The following NUMB variants were observed in gnomAD, a reference collection of about 807,000 sequenced individuals.
NUMB encodes the protein protein numb homolog.
NUMB carries 29 observed loss-of-function variants against 59.7 expected under a neutral mutation model. That is an observed-to-expected ratio of 0.49 (90% CI 0.36 to 0.66). NUMB has a LOEUF of 0.66. Among genes scored for constraint, NUMB ranks in the 30% least tolerant of loss-of-function variants. The pLI is 0.00. For synonymous variants in NUMB, 288 were observed against 288.2 expected, an observed-to-expected ratio of 1.00 and a Z score of 0.01; for missense variants, 723 against 822.0, an observed-to-expected ratio of 0.88 and a Z score of 1.47.
intron 1 of NUMB, among the ~76,000 whole-genome samples, chr14:73,426,357 G>C (rs1047962673): frequency 6.6e-6 from 1 of 152,178 alleles, no homozygotes; most frequent in Non-Finnish European, 1.5e-5. Flanking sequence ...TTCAGAAGCA[G>C]GCAGTGGCTG....
chr14:73,328,404 C>A (rs538472204), intron 4 of NUMB, among the ~76,000 whole-genome samples: 1 of 152,038 alleles, frequency 6.6e-6, no homozygotes, highest in South Asian at 2.1e-4. Flanking sequence ...TGGTTATTTC[C>A]GGTTTTGGTG....
chr14:73,307,464 G>C (rs1282499248), intron 6 of NUMB, among the ~76,000 whole-genome samples: 2 of 152,082 alleles, frequency 1.3e-5, no homozygotes, highest in Non-Finnish European at 2.9e-5. Context: ...CATATATCTG[G>C]ATGATGTGCG....
chr14:73,299,691 G>C (rs1890020349), intron 6 of NUMB, among the ~76,000 whole-genome samples: 1 of 151,972 alleles, frequency 6.6e-6, no homozygotes, highest in Admixed American at 6.6e-5. Context: ...AGTTAGACTA[G>C]AATGGGTCGA....
intron 2 of NUMB, among the ~76,000 whole-genome samples, chr14:73,400,686 T>C (rs1036924855): frequency 7.2e-5 from 11 of 152,108 alleles, no homozygotes; most frequent in Admixed American, 5.9e-4. Flanking sequence ...AGCTGAAGGG[T>C]AAGCTGATTA....
intron 4 of NUMB, among the ~76,000 whole-genome samples, chr14:73,329,548 T>C (rs1161846698): frequency 6.6e-6 from 1 of 152,210 alleles, no homozygotes; most frequent in Non-Finnish European, 1.5e-5. Flanking sequence ...TGGTTGACTC[T>C]ATGGATGCGG....
intron 6 of NUMB, 61 bp downstream of exon 6, chr14:73,316,329 C>T: frequency 7.1e-7 from 1 of 1,409,276 alleles, no homozygotes; most frequent in Non-Finnish European, 1.0e-6. Flanking sequence ...AAAAATATGT[C>T]AGTGCTACAC....
At chr14:73,292,985 G>GTATTCCATAGC in intron 7 of NUMB, 111 bp from the exon 8 acceptor site, 1 of 1,065,356 alleles carries the variant, frequency 9.4e-7, no homozygotes, top group Non-Finnish European at 1.4e-6. Context: ...ATACAACTAG[G>GTATTCCATAGC]CTATGGAATA....
At chr14:73,307,309 T>TA (rs34444870) in intron 6 of NUMB, among the ~76,000 whole-genome samples, 36 of 143,164 alleles carry the variant, frequency 2.5e-4, no homozygotes, top group Non-Finnish European at 3.5e-4. Context: ...ACTCTGTCTT[T>TA]AAAAAAAAAA....
chr14:73,405,339 G>A (rs1896605457), intron 2 of NUMB, among the ~76,000 whole-genome samples: 1 of 151,794 alleles, frequency 6.6e-6, no homozygotes, highest in African/African-American at 2.4e-5. Flanking sequence ...GGCAGAGAGA[G>A]AAACAGAACC....
chr14:73,376,511 CA>C (rs1894952979), intron 2 of NUMB, among the ~76,000 whole-genome samples: 1 of 148,626 alleles, frequency 6.7e-6, no homozygotes, highest in Non-Finnish European at 1.5e-5. Context: ...CTGACAAACT[CA>C]TTCTAAAGTT....
intron 11 of NUMB, chr14:73,281,348 G>A (rs1888625450): frequency 1.3e-5 from 2 of 151,870 alleles, no homozygotes; most frequent in Non-Finnish European, 2.9e-5. Flanking sequence ...CAATGTGTAA[G>A]TGCTCAATAA....
chr14:73,387,503 T>G (rs1385424001), intron 2 of NUMB, among the ~76,000 whole-genome samples: 1 of 152,136 alleles, frequency 6.6e-6, no homozygotes, highest in East Asian at 1.9e-4. Context: ...TTTCCCCTTT[T>G]GCTTGGCACT....
At chr14:73,330,672 T>G (rs746771426) in intron 4 of NUMB, among the ~76,000 whole-genome samples, 6 of 152,246 alleles carry the variant, frequency 3.9e-5, no homozygotes, top group Non-Finnish European at 8.8e-5. Flanking sequence ...TAGCAAATAC[T>G]ATATATGTCT....
intron 5 of NUMB, 152 bp from the exon 6 acceptor site, chr14:73,316,574 G>C: frequency 3.0e-6 from 2 of 668,784 alleles, no homozygotes; most frequent in Non-Finnish European, 5.3e-6. Flanking sequence ...CACCAGGAGT[G>C]ACAGGGAAAA....
chr14:73,319,900 G>A (rs765140001), intron 5 of NUMB, among the ~76,000 whole-genome samples: 1 of 152,298 alleles, frequency 6.6e-6, no homozygotes, highest in African/African-American at 2.4e-5. Flanking sequence ...GGGAGACTGA[G>A]GTGGGTGGAT....
chr14:73,361,470 A>G (rs371759444), intron 3 of NUMB, among the ~76,000 whole-genome samples: 1 of 149,160 alleles, frequency 6.7e-6, no homozygotes, highest in Non-Finnish European at 1.5e-5. Context: ...TTTTTTTTTT[A>G]ACTTTTATTT....
intron 4 of NUMB, among the ~76,000 whole-genome samples, chr14:73,352,461 CACACACACACACACACATATATATATAT>C (rs1893379538): frequency 4.2e-4 from 7 of 16,818 alleles, no homozygotes; most frequent in Non-Finnish European, 3.6e-4. Context: ...CACACACATA[CACACACACACACACACATATATATATAT>C]ATATATATAT....
chr14:73,353,886 T>C (rs1489290025), intron 4 of NUMB, among the ~76,000 whole-genome samples: 1 of 152,024 alleles, frequency 6.6e-6, no homozygotes, highest in Non-Finnish European at 1.5e-5. Context: ...AAAAAAAGTG[T>C]TCATTTTTAT....
chr14:73,434,535 T>C (rs1266314918), intron 1 of NUMB, among the ~76,000 whole-genome samples: 2 of 152,186 alleles, frequency 1.3e-5, no homozygotes, highest in Admixed American at 1.3e-4. Flanking sequence ...ATTTTAACAT[T>C]CTTGAATCAG....
Sources: gnomAD v4.1 joint callset for allele counts (sites outside exome capture counted in the v4.1 genomes callset) on GRCh38, gnomAD v4.1.1 for gene constraint, MANE v1.5 for transcripts, NCBI Gene and HGNC (gene_info 2026-07-23, HGNC 2026-07-21) for gene names.